The following COL9A1 variants were observed in gnomAD, a reference collection of about 807,000 sequenced individuals.
COL9A1 encodes collagen type IX alpha 1 chain.
In COL9A1, 104 loss-of-function variants were observed where a neutral mutation model predicts 142.6. The observed-to-expected ratio is 0.73, with a 90% CI of 0.62 to 0.86. COL9A1 has a LOEUF of 0.86. Ranked by LOEUF, COL9A1 falls within the 40% of genes least tolerant of loss-of-function variation. The pLI, the probability that COL9A1 is intolerant of heterozygous loss-of-function variation, is 0.00. For synonymous variants in COL9A1, 466 were observed against 396.0 expected, an observed-to-expected ratio of 1.18 and a Z score of -2.10; for missense variants, 1,210 against 1,176.6, an observed-to-expected ratio of 1.03 and a Z score of -0.42.
In COL9A1 at chr6:70,266,835, A is replaced by G. The variant is rs883708; in HGVS notation, c.1288-65T>C. ...CAGAAAGTGATCAGAAGGCTCATAA[A>G]GTGATCCTGCTTCCCTAAATCAGTG... On this transcript the variant is annotated intron_variant, in intron 17 of 37. Coordinates refer to ENST00000357250, the MANE Select transcript of COL9A1 (RefSeq NM_001851.6). 0.2 allele frequency: 268,625 copies of G among 1,330,694 alleles called. 27,725 individuals are homozygous for G. The highest frequency in any genetic ancestry group is 0.22 in the Non-Finnish European group (200,157 of 921,902). The allele number at this position is 1,330,694 out of a possible 1,614,324, so 82.4% of individuals were successfully genotyped here.
rs539049396 is a variant in COL9A1 at position 70,281,315 on chromosome 6, C to A, written c.876+75G>T. The A allele has an allele frequency of 6.4e-5, 92 of 1,427,646 alleles. 4 individuals carry two copies. The highest frequency in any genetic ancestry group is 5.1e-4 in the East Asian group (22 of 43,472). The allele number at this position is 1,427,646 out of a possible 1,614,324, so 88.4% of individuals were successfully genotyped here. A position where few individuals can be genotyped will look rare whatever the true frequency, so the allele number is the denominator to read the frequency against. Reference sequence around the variant, plus strand: ...GGTCCTCTCTGAAAAAAAAAAAAACCCCACAGGAGCCCTGGGAAAAGAATA... The same window carrying A: ...GGTCCTCTCTGAAAAAAAAAAAAACACCACAGGAGCCCTGGGAAAAGAATA... On this transcript the variant is annotated intron_variant, in intron 8 of 37. Transcript: ENST00000357250.
intron 6 of COL9A1, 116 bp from the exon 7 acceptor site, chr6:70,283,034 C>A (rs1179144293): frequency 1.9e-6 from 3 of 1,607,440 alleles, no homozygotes; most frequent in Non-Finnish European, 2.5e-6. Context: ...GCCCCGCGGT[C>A]CCGCGCAGTC....
chr6:70,228,816 T>A (rs1222237215), intron 36 of COL9A1, among the ~76,000 whole-genome samples: 1 of 152,180 alleles, frequency 6.6e-6, no homozygotes, highest in Non-Finnish European at 1.5e-5. Flanking sequence ...TAAGCTAGTT[T>A]TTTTAACATT....
chr6:70,257,146 C>T (rs956800353), intron 20 of COL9A1, among the ~76,000 whole-genome samples: 2 of 151,160 alleles, frequency 1.3e-5, no homozygotes, highest in Non-Finnish European at 2.9e-5. Flanking sequence ...CTGCAACCTC[C>T]GCCCCCTGGG....
rs1010009487 is a variant in COL9A1 at position 70,240,880 on chromosome 6, C to G, written c.2035-147G>C. 6 of 746,814 alleles carry G rather than the reference C, an allele frequency of 8.0e-6. No homozygotes were observed. In the Admixed American group the frequency reaches 1.2e-4, roughly 14 times the overall value. 46.3% of individuals were successfully genotyped at this position (746,814 alleles called of 1,614,324 possible). ...AAAATGCTCTCAGCGGCTTTCCAAT[C>G]TAGCTGTCAGTGGTTAGTCCCAATC... On this transcript the variant is annotated intron_variant, in intron 31 of 37. Transcript: ENST00000357250.
In COL9A1 at chr6:70,232,949, G is replaced by A. The variant is rs185933200; in HGVS notation, c.2315-178C>T. 1.8e-3 allele frequency among the ~76,000 whole-genome samples: 268 copies of A among 152,198 alleles called. 2 individuals carry two copies. Among genetic ancestry groups the A allele is most frequent in the African/African-American group, 5.9e-3 (246 of 41,524 alleles). On this transcript the variant is annotated intron_variant, in intron 35 of 37. Transcript: ENST00000357250. Reference sequence around the variant, plus strand: ...TGTGGGCTTTCTGCCAGAAAGCTTCGCTGGTGCTGTTTGATGCAGCTCTCC... The same window carrying A: ...TGTGGGCTTTCTGCCAGAAAGCTTCACTGGTGCTGTTTGATGCAGCTCTCC...
At chr6:70,252,412 C>T (rs1015395299) in intron 26 of COL9A1, 97 bp from the exon 27 acceptor site, 2 of 1,031,828 alleles carry the variant, frequency 1.9e-6, no homozygotes, top group Non-Finnish European at 1.5e-6. Flanking sequence ...ATTTGAATAG[C>T]ATTAATTCCC....
chr6:70,230,101 A>G (rs910078086), intron 36 of COL9A1, among the ~76,000 whole-genome samples: 2 of 152,206 alleles, frequency 1.3e-5, no homozygotes, highest in South Asian at 2.1e-4. Flanking sequence ...CAATACTGAA[A>G]TATATCTCTC....
rs528397954 is a variant in COL9A1 at position 70,281,155 on chromosome 6, G to T, written c.877-116C>A. The stretch of plus-strand genomic sequence containing the variant: ...GATGGGGATGGTGTAAGGGTCAAAC[G>T]TGGAGGTTCATGACCAACAAGGACA... On this transcript the variant is annotated intron_variant, in intron 8 of 37. Coordinates refer to ENST00000357250, the MANE Select transcript of COL9A1 (RefSeq NM_001851.6). 1.5e-5 allele frequency: 14 copies of T among 942,880 alleles called. No individual in the cohort carries two copies. In the East Asian group the frequency reaches 3.0e-4, roughly 20 times the overall value. The allele number at this position is 942,880 out of a possible 1,614,324, so 58.4% of individuals were successfully genotyped here. A position where few individuals can be genotyped will look rare whatever the true frequency, so the allele number is the denominator to read the frequency against.
chr6:70,239,900 TGA>T (rs982542007), intron 32 of COL9A1, among the ~76,000 whole-genome samples: 45 of 152,352 alleles, frequency 3.0e-4, no homozygotes, highest in African/African-American at 1.1e-3. Flanking sequence ...AATCCTCTTA[TGA>T]ATTTACTTAA....
chr6:70,234,995 C>T (rs1211742228), intron 33 of COL9A1, 55 bp from the exon 34 acceptor site: 1 of 1,609,236 alleles, frequency 6.2e-7, no homozygotes, highest in Non-Finnish European at 8.5e-7. Context: ...AATGTGCCTG[C>T]TTCATACTCA....
chr6:70,267,834 A>T (rs1265773293), intron 17 of COL9A1, among the ~76,000 whole-genome samples: 2 of 152,190 alleles, frequency 1.3e-5, no homozygotes, highest in Non-Finnish European at 2.9e-5. Context: ...GAAAAATAGG[A>T]CACCAGTCCA....
At position 70,294,359 on chromosome 6, in the gene COL9A1, G is replaced by A. The variant is rs747696059; in HGVS notation, c.504C>T (p.Ala168=). ...KGLDGSLQTA[A]FSNLSSLFDS... ...CAAACAAGGAGGACAAATTCGAAAA[G>A]GCTGCTGTTTGGAGACTTCCATCCA... Residue 168 remains alanine, a synonymous_variant, in exon 5 of 38, where the codon GCC becomes GCT. Coordinates refer to ENST00000357250, the MANE Select transcript of COL9A1 (RefSeq NM_001851.6). 1 of 1,614,062 alleles carries A rather than the reference G, an allele frequency of 6.2e-7. No individual in the cohort carries two copies. Among genetic ancestry groups the A allele is most frequent in the Non-Finnish European group, 8.5e-7 (1 of 1,179,964 alleles).
chr6:70,232,449 T>C (rs1295287970), intron 36 of COL9A1, 134 bp downstream of exon 36: 9 of 1,056,750 alleles, frequency 8.5e-6, no homozygotes, highest in Non-Finnish European at 1.2e-5. Flanking sequence ...ACCGTCACTA[T>C]TGAAAAGAGA....
At chr6:70,287,966 T>C (rs1158561958) in intron 5 of COL9A1, among the ~76,000 whole-genome samples, 1 of 152,164 alleles carries the variant, frequency 6.6e-6, no homozygotes, top group Non-Finnish European at 1.5e-5. Flanking sequence ...TACACTTGTC[T>C]CTTGGTGATT....
intron 19 of COL9A1, among the ~76,000 whole-genome samples, chr6:70,262,368 C>A (rs1276492934): frequency 2.0e-5 from 3 of 152,126 alleles, no homozygotes; most frequent in Non-Finnish European, 2.9e-5. Context: ...GACTTACTTC[C>A]TTTAACTTAA....
intron 36 of COL9A1, among the ~76,000 whole-genome samples, chr6:70,226,599 C>T (rs990447617): frequency 1.3e-5 from 2 of 151,670 alleles, no homozygotes; most frequent in African/African-American, 4.8e-5. Flanking sequence ...AGTAATAAGA[C>T]ATAGTAAAAA....
chr6:70,293,228 T>A (rs1773719878), intron 5 of COL9A1, among the ~76,000 whole-genome samples: 1 of 152,190 alleles, frequency 6.6e-6, no homozygotes, highest in African/African-American at 2.4e-5. Flanking sequence ...GCCTCAAGAT[T>A]TATTTGTTGA....
intron 18 of COL9A1, 51 bp downstream of exon 18, chr6:70,266,666 G>T: frequency 1.5e-6 from 2 of 1,347,602 alleles, no homozygotes; most frequent in South Asian, 1.2e-5. Context: ...TAATGAAAGT[G>T]ACCAATAACT....
Sources: allele counts gnomAD v4.1 joint callset (sites outside exome capture counted in the v4.1 genomes callset), GRCh38; gene constraint gnomAD v4.1.1; transcripts MANE v1.5; gene names NCBI Gene and HGNC (gene_info 2026-07-23, HGNC 2026-07-21).